Variants in PTPMT1 observed in about 807,000 individuals in gnomAD.
PTPMT1 encodes protein tyrosine phosphatase mitochondrial 1.
Under a neutral mutation model 17.8 loss-of-function variants are expected in PTPMT1, and 12 were observed. That is an observed-to-expected ratio of 0.67 (90% CI 0.43 to 1.09). The LOEUF (loss-of-function observed/expected upper bound fraction) is 1.09, where lower values mean the gene tolerates loss of function less well. Ranked by LOEUF, PTPMT1 falls within the 50% of genes least tolerant of loss-of-function variation. The pLI, the probability that PTPMT1 is intolerant of heterozygous loss-of-function variation, is 0.00. For synonymous variants in PTPMT1, 132 were observed against 116.8 expected, an observed-to-expected ratio of 1.13 and a Z score of -0.84; for missense variants, 262 against 266.0, an observed-to-expected ratio of 0.99 and a Z score of 0.10.
intron 2 of PTPMT1, among the ~76,000 whole-genome samples, chr11:47,567,819 C>T (rs185934151): frequency 6.6e-6 from 1 of 152,284 alleles, no homozygotes; most frequent in East Asian, 1.9e-4. Context: ...CTTGGCCTCT[C>T]AAAATCTGGG....
At chr11:47,569,982 C>G in intron 3 of PTPMT1, 91 bp downstream of exon 3, 1 of 1,091,886 alleles carries the variant, frequency 9.2e-7, no homozygotes, top group South Asian at 1.5e-5. Flanking sequence ...GGCTTGAGCC[C>G]AGGAGTTTGA....
Position 47,567,354 on chromosome 11 carries a change from C to T in PTPMT1, c.255+1368C>T, listed in dbSNP as rs1227019790. Among the ~76,000 whole-genome samples the T allele has an allele frequency of 4.6e-5, 7 of 150,638 alleles. No individual in the cohort carries two copies. In the East Asian group the frequency reaches 7.9e-4, roughly 17 times the overall value. On this transcript the variant is annotated intron_variant, in intron 2 of 3. Coordinates refer to ENST00000326674, the MANE Select transcript of PTPMT1 (RefSeq NM_175732.3). Reference sequence around the variant, plus strand: ...CCGGGAGGCAGAAGTTGCAGTGGGCCGAGATTGCACCACTGCACGCCAGCC... The same window carrying T: ...CCGGGAGGCAGAAGTTGCAGTGGGCTGAGATTGCACCACTGCACGCCAGCC...
intron 3 of PTPMT1, among the ~76,000 whole-genome samples, chr11:47,570,545 G>C (rs2097249047): frequency 6.6e-6 from 1 of 152,322 alleles, no homozygotes; most frequent in South Asian, 2.1e-4. Flanking sequence ...CTAGACACTT[G>C]TTCTAATACC....
At position 47,566,066 on chromosome 11, in the gene PTPMT1, G is replaced by A; in HGVS notation, c.255+80G>A. On this transcript the variant is annotated intron_variant, in intron 2 of 3. Transcript: ENST00000326674. ...CCCTGAGCCTGGGACGGCTAGAGAA[G>A]TGTGGGGGAGGTCACCATGCACCGG... is the stretch of plus-strand genomic sequence containing the variant. 3 of 1,438,036 alleles carry A rather than the reference G, an allele frequency of 2.1e-6. No individual in the cohort carries two copies. The South Asian group carries it at 4.4e-5, about 21-fold the overall frequency. The allele number at this position is 1,438,036 out of a possible 1,614,324, so 89.1% of individuals were successfully genotyped here. A position where few individuals can be genotyped will look rare whatever the true frequency, so the allele number is the denominator to read the frequency against.
At position 47,572,915 on chromosome 11, in the gene PTPMT1, C is replaced by T. The variant is rs2097251817; in HGVS notation, c.*1286C>T. On this transcript the variant is annotated 3_prime_UTR_variant, in exon 4 of 4. Coordinates refer to ENST00000326674, the MANE Select transcript of PTPMT1 (RefSeq NM_175732.3). ...GGGAAAAGGAGTGAGCAGTTCTCCT[C>T]CCCTCCCCACAGCCTTAGGCCAACA... 1 of 1,601,030 alleles carries T rather than the reference C, an allele frequency of 6.2e-7. No homozygotes were observed. The highest frequency in any genetic ancestry group is 1.3e-5 in the African/African-American group (1 of 74,740).
intron 3 of PTPMT1, among the ~76,000 whole-genome samples, chr11:47,570,771 A>G (rs924085797): frequency 2.0e-5 from 3 of 152,224 alleles, no homozygotes; most frequent in Non-Finnish European, 4.4e-5. Context: ...ATCATTTTGT[A>G]ACCTAAGTTA....
chr11:47,571,704 GC>G lies in PTPMT1; in HGVS notation c.*76del. 7 of 1,402,144 alleles carry G rather than the reference GC, an allele frequency of 5.0e-6. No individual in the cohort carries two copies. Among genetic ancestry groups the G allele is most frequent in the Non-Finnish European group, 6.9e-6 (7 of 1,014,454 alleles). 86.9% of individuals were successfully genotyped at this position (1,402,144 alleles called of 1,614,324 possible). ...AAAAGAGCTTAACAGGACCAACAGG[GC>G]TTAAGCCCAGACTTGACGTAACAGA... On this transcript the variant is annotated 3_prime_UTR_variant, in exon 4 of 4. Coordinates refer to ENST00000326674, the MANE Select transcript of PTPMT1 (RefSeq NM_175732.3).
At position 47,573,359 on chromosome 11, in the gene PTPMT1, G is replaced by A; in HGVS notation, c.*1730G>A. On this transcript the variant is annotated 3_prime_UTR_variant, in exon 4 of 4. Coordinates refer to ENST00000326674, the MANE Select transcript of PTPMT1 (RefSeq NM_175732.3). This position sits in a 1 kb window ranked among gnomAD's most constrained non-coding sequence, Gnocchi z 4.1. ...CCCCTAGTAAGTAGATGATCCCGTT[G>A]AGGTTGGCACCAGCAGCCCCTGACA... is the stretch of plus-strand genomic sequence containing the variant. 6.2e-7 allele frequency: 1 copy of A among 1,614,094 alleles called. No individual in the cohort carries two copies. Among genetic ancestry groups the A allele is most frequent in the East Asian group, 2.2e-5 (1 of 44,904 alleles).
At chr11:47,566,247 A>T (rs2097244053) in intron 2 of PTPMT1, among the ~76,000 whole-genome samples, 1 of 152,006 alleles carries the variant, frequency 6.6e-6, no homozygotes, top group Admixed American at 6.6e-5. Flanking sequence ...AGGCGGGAGG[A>T]GGAGGCGGGC....
chr11:47,566,433 A>G (rs2097244475), intron 2 of PTPMT1, among the ~76,000 whole-genome samples: 1 of 150,554 alleles, frequency 6.6e-6, no homozygotes, highest in Non-Finnish European at 1.5e-5. Context: ...CAGTGAGCCG[A>G]CATCTCGCCA....
At position 47,571,868 on chromosome 11, in the gene PTPMT1, C is replaced by T. The variant is rs911604808; in HGVS notation, c.*239C>T. ...GGATACAGGACAGGGATGGGGCTAT[C>T]ATCTTTTCTTGAATAGGGCTAAAGA... On this transcript the variant is annotated 3_prime_UTR_variant, in exon 4 of 4. Transcript: ENST00000326674. The T allele has an allele frequency of 6.0e-5, 25 of 414,028 alleles. No individual in the cohort carries two copies. The highest frequency in any genetic ancestry group is 9.5e-5 in the Non-Finnish European group (22 of 231,974). The allele number at this position is 414,028 out of a possible 1,614,324, so 25.6% of individuals were successfully genotyped here.
chr11:47,571,626 A>T lies in PTPMT1; in HGVS notation c.603A>T (p.Thr201=). 3 of 1,613,992 alleles carry T rather than the reference A, an allele frequency of 1.9e-6. No homozygotes were observed. In the South Asian group the frequency reaches 3.3e-5, roughly 18 times the overall value. The part of the protein sequence containing the change: ...TKDGTFVISK[T] ...ATGGGACTTTTGTCATTTCAAAGAC[A>T]TGATGTATGGGGATTAGAAAGAACT... Residue 201 remains threonine (T), a synonymous_variant, in exon 4 of 4, where the codon ACA becomes ACT. Coordinates refer to ENST00000326674, the MANE Select transcript of PTPMT1 (RefSeq NM_175732.3).
chr11:47,569,641 C>A, intron 2 of PTPMT1, 59 bp from the exon 3 acceptor site: 1 of 1,406,594 alleles, frequency 7.1e-7, no homozygotes, highest in South Asian at 1.4e-5. Flanking sequence ...AGCCCCTTAT[C>A]ATCCCACCCA....
At chr11:47,566,081 C>T (rs2097243647) in intron 2 of PTPMT1, 95 bp downstream of exon 2, 3 of 1,354,488 alleles carry the variant, frequency 2.2e-6, no homozygotes, top group Admixed American at 3.1e-5. Flanking sequence ...GGGGAGGTCA[C>T]CATGCACCGG....
intron 2 of PTPMT1, 32 bp from the exon 3 acceptor site, chr11:47,569,668 T>A (rs1323464565): frequency 1.3e-6 from 2 of 1,547,092 alleles, no homozygotes; most frequent in South Asian, 2.4e-5. Flanking sequence ...TTTTTTTCAT[T>A]CTCTTTTTCA....
chr11:47,566,800 T>A (rs566476290), intron 2 of PTPMT1, among the ~76,000 whole-genome samples: 1 of 152,222 alleles, frequency 6.6e-6, no homozygotes, highest in South Asian at 2.1e-4. Flanking sequence ...TGGCTCTGAT[T>A]TGGGGGAATT....
At position 47,571,577 on chromosome 11, in the gene PTPMT1, AG is replaced by A; in HGVS notation, c.555del (p.Ile186LeufsTer30). On this transcript the variant is annotated frameshift_variant, in exon 4 of 4. Coordinates refer to ENST00000326674, the MANE Select transcript of PTPMT1 (RefSeq NM_175732.3). LOFTEE classifies it low-confidence loss of function (END_TRUNC). ...QLDVLKEFHK[Q>X]ITARATKDGT... ...GATGTTCTTAAAGAGTTCCACAAGC[AG>A]ATTACTGCACGGGCAACAAAGGATG... is the stretch of plus-strand genomic sequence containing the variant. The A allele has an allele frequency of 6.2e-7, 1 of 1,614,052 alleles. No homozygotes were observed. Among genetic ancestry groups the A allele is most frequent in the Non-Finnish European group, 8.5e-7 (1 of 1,180,026 alleles).
intron 2 of PTPMT1, among the ~76,000 whole-genome samples, chr11:47,567,617 A>G (rs2097246956): frequency 7.0e-6 from 1 of 143,882 alleles, no homozygotes; most frequent in African/African-American, 2.6e-5. Context: ...CTGGAGTGCA[A>G]TGGTGCAATC....
Position 47,572,948 on chromosome 11 carries a change from C to G in PTPMT1, c.*1319C>G. 6.2e-7 allele frequency: 1 copy of G among 1,613,698 alleles called. No individual in the cohort carries two copies. The highest frequency in any genetic ancestry group is 8.5e-7 in the Non-Finnish European group (1 of 1,179,698). On this transcript the variant is annotated 3_prime_UTR_variant, in exon 4 of 4. Coordinates refer to ENST00000326674, the MANE Select transcript of PTPMT1 (RefSeq NM_175732.3). ...CACAGCCTTAGGCCAACACAAACTGCAAATTGGTAAGCAGCACCTTAATAC... is the reference window on the plus strand; with the variant it reads ...CACAGCCTTAGGCCAACACAAACTGGAAATTGGTAAGCAGCACCTTAATAC...
Sources: allele counts gnomAD v4.1 joint callset (sites outside exome capture counted in the v4.1 genomes callset), GRCh38; gene constraint gnomAD v4.1.1; non-coding constraint Gnocchi (gnomAD v3.1); transcripts MANE v1.5; gene names NCBI Gene and HGNC (gene_info 2026-07-23, HGNC 2026-07-21).